Variants in SHANK2 observed in about 807,000 individuals in gnomAD.
SHANK2 encodes SH3 and multiple ankyrin repeat domains 2, also known as SH3 and multiple ankyrin repeat domains protein 2.
Under a neutral mutation model 133.7 loss-of-function variants are expected in SHANK2, and 43 were observed. That is an observed-to-expected ratio of 0.32 (90% CI 0.25 to 0.41). The LOEUF is 0.41. SHANK2 is among the 10% of genes least tolerant of loss of function. SHANK2 has a pLI of 1.00. For synonymous variants in SHANK2, 1,017 were observed against 952.8 expected, an observed-to-expected ratio of 1.07 and a Z score of -1.24; for missense variants, 1,994 against 2,235.8, an observed-to-expected ratio of 0.89 and a Z score of 2.18.
chr11:70,808,873 C>T (rs1846739744), intron 12 of SHANK2, among the ~76,000 whole-genome samples: 1 of 152,200 alleles, frequency 6.6e-6, no homozygotes, highest in South Asian at 2.1e-4. Flanking sequence ...GGCCTTCCAT[C>T]AAAATGGGTC....
At chr11:71,159,403 G>A (rs1952965730) in intron 2 of SHANK2, among the ~76,000 whole-genome samples, 1 of 152,060 alleles carries the variant, frequency 6.6e-6, no homozygotes, top group Admixed American at 6.6e-5. Flanking sequence ...GGGCCCACCT[G>A]GATAACCCAA....
rs1555154392 is a variant in SHANK2 at position 70,487,358 on chromosome 11, T to G, written c.2935A>C (p.Asn979His). 6.2e-7 allele frequency: 1 copy of G among 1,614,156 alleles called. No individual in the cohort carries two copies. Among genetic ancestry groups the G allele is most frequent in the South Asian group, 1.1e-5 (1 of 91,082 alleles). The part of the protein sequence containing the change: ...RNAGPQANFR[N>H]KRGQMPENPY... ...TTTTCTGGCATCTGGCCTCTCTTGTTGCGGAAGTTGGCTTGCGGGCCGGCA... is the reference window on the plus strand; with the variant it reads ...TTTTCTGGCATCTGGCCTCTCTTGTGGCGGAAGTTGGCTTGCGGGCCGGCA... Residue 979 changes from asparagine to histidine, a missense_variant, in exon 25 of 26, where the codon AAC becomes CAC. Coordinates refer to ENST00000601538, the MANE Select transcript of SHANK2 (RefSeq NM_012309.5). This position sits in a 1 kb window ranked among gnomAD's most constrained non-coding sequence, Gnocchi z 5.8.
intron 8 of SHANK2, among the ~76,000 whole-genome samples, chr11:71,090,348 CTCTG>C (rs1565444332): frequency 3.0e-5 from 1 of 33,634 alleles, no homozygotes; most frequent in Non-Finnish European, 5.8e-5. Context: ...GAAACACAAC[CTCTG>C]TGTGTGTGTG....
In SHANK2 at chr11:70,487,353, C is replaced by T. The variant is rs782496069; in HGVS notation, c.2940G>A (p.Lys980=). Residue 980 remains lysine (K), a synonymous_variant, in exon 25 of 26, where the codon AAG becomes AAA. Coordinates refer to ENST00000601538, the MANE Select transcript of SHANK2 (RefSeq NM_012309.5). The surrounding 1 kb of genome is among the most constrained non-coding windows in gnomAD (Gnocchi z 5.8). ...NAGPQANFRN[K]RGQMPENPYS... ...ATGGGTTTTCTGGCATCTGGCCTCT[C>T]TTGTTGCGGAAGTTGGCTTGCGGGC... The T allele has an allele frequency of 6.2e-7, 1 of 1,614,060 alleles. No individual in the cohort carries two copies. The highest frequency in any genetic ancestry group is 1.7e-5 in the Admixed American group (1 of 60,010).
intron 23 of SHANK2, chr11:70,490,027 A>G: frequency 3.2e-6 from 1 of 312,406 alleles, no homozygotes; most frequent in South Asian, 3.3e-5. Context: ...CTGGGCTTCA[A>G]GATGACAGAA....
chr11:70,706,508 C>A (rs1432251788), intron 14 of SHANK2, among the ~76,000 whole-genome samples: 1 of 152,114 alleles, frequency 6.6e-6, no homozygotes, highest in East Asian at 1.9e-4. Flanking sequence ...CTGGCTGTGA[C>A]CTCCTCACTT....
chr11:71,142,784 C>T lies in SHANK2; in HGVS notation c.207+4336G>A, dbSNP rs566680818. ...CACCAAACACTTCCTGGTGTAGCAA[C>T]GGAAGCCACTTCTTTAGGAATCTAG... On this transcript the variant is annotated intron_variant, in intron 3 of 25. Coordinates refer to ENST00000601538, the MANE Select transcript of SHANK2 (RefSeq NM_012309.5). Among the ~76,000 whole-genome samples, 8 of 149,732 alleles carry T rather than the reference C, an allele frequency of 5.3e-5. No individual in the cohort carries two copies. In the South Asian group the frequency reaches 1.7e-3, roughly 32 times the overall value.
chr11:70,568,778 A>G (rs1041068009), intron 17 of SHANK2, among the ~76,000 whole-genome samples: 2 of 152,004 alleles, frequency 1.3e-5, no homozygotes, highest in Non-Finnish European at 2.9e-5. Context: ...TCTGCAAGAT[A>G]AACCACCCTC....
At chr11:70,527,733 G>A (rs1278416473) in intron 17 of SHANK2, among the ~76,000 whole-genome samples, 5 of 152,196 alleles carry the variant, frequency 3.3e-5, no homozygotes, top group Non-Finnish European at 5.9e-5. Flanking sequence ...CCGAGGTCAT[G>A]GAGAAGGCCC....
intron 10 of SHANK2, among the ~76,000 whole-genome samples, chr11:70,902,788 G>A (rs1247598272): frequency 3.3e-5 from 5 of 152,202 alleles, no homozygotes; most frequent in Non-Finnish European, 5.9e-5. Flanking sequence ...GCAAGAGTTG[G>A]CACTGGGATT....
At chr11:71,197,957 G>T (rs1422273701) in intron 2 of SHANK2, among the ~76,000 whole-genome samples, 1 of 152,144 alleles carries the variant, frequency 6.6e-6, no homozygotes, top group African/African-American at 2.4e-5. Flanking sequence ...ACAAACTCCA[G>T]CGTCAGAGAA....
At chr11:70,730,757 A>G (rs1421115741) in intron 14 of SHANK2, among the ~76,000 whole-genome samples, 2 of 151,232 alleles carry the variant, frequency 1.3e-5, no homozygotes, top group Non-Finnish European at 2.9e-5. Context: ...CCATGTCTTC[A>G]TTTCAGCAAC....
intron 17 of SHANK2, among the ~76,000 whole-genome samples, chr11:70,616,344 A>T (rs2060741793): frequency 6.6e-6 from 1 of 151,768 alleles, no homozygotes; most frequent in Non-Finnish European, 1.5e-5. Context: ...GGCTCCAGGG[A>T]CCCCAAGAGG....
At chr11:70,618,178 C>T (rs565427993) in intron 17 of SHANK2, among the ~76,000 whole-genome samples, 4 of 151,384 alleles carry the variant, frequency 2.6e-5, no homozygotes, top group Non-Finnish European at 5.9e-5. Flanking sequence ...CCTGTAATCC[C>T]AGCTACTCAG....
intron 23 of SHANK2, 168 bp downstream of exon 23, chr11:70,490,108 G>C: frequency 1.6e-6 from 1 of 631,158 alleles, no homozygotes; most frequent in Non-Finnish European, 2.9e-6. Context: ...TGGCTCCCTA[G>C]TGGGCAAGGC....
chr11:70,644,884 C>T (rs1370109370), intron 17 of SHANK2, among the ~76,000 whole-genome samples: 1 of 152,154 alleles, frequency 6.6e-6, no homozygotes, highest in African/African-American at 2.4e-5. Flanking sequence ...TTAAGATGAC[C>T]CCAGCCTGGC....
chr11:70,753,958 T>C (rs1946810385), intron 14 of SHANK2, among the ~76,000 whole-genome samples: 1 of 152,158 alleles, frequency 6.6e-6, no homozygotes, highest in Non-Finnish European at 1.5e-5. Flanking sequence ...ATTACAGGCG[T>C]GCACCACCAT....
chr11:70,719,114 G>A (rs547349964), intron 14 of SHANK2, among the ~76,000 whole-genome samples: 1 of 152,382 alleles, frequency 6.6e-6, no homozygotes, highest in South Asian at 2.1e-4. Flanking sequence ...GCCATCACCT[G>A]CAAGCTCGCC....
chr11:70,596,935 T>C (rs2060409516), intron 17 of SHANK2, among the ~76,000 whole-genome samples: 1 of 152,126 alleles, frequency 6.6e-6, no homozygotes, highest in African/African-American at 2.4e-5. Context: ...CTATGGTCTA[T>C]ATCTATTTTG....
Sources: gnomAD v4.1 joint callset for allele counts (sites outside exome capture counted in the v4.1 genomes callset) on GRCh38, gnomAD v4.1.1 for gene constraint, Gnocchi (gnomAD v3.1) non-coding constraint, MANE v1.5 for transcripts, NCBI Gene and HGNC (gene_info 2026-07-23, HGNC 2026-07-21) for gene names.